CATSPERT: variants seen among roughly 807,000 people sequenced by gnomAD.
CATSPERT encodes the protein catsper channel auxiliary subunit tau, also known as cation channel sperm-associated targeting subunit tau.
the CATSPERT span, among the ~76,000 whole-genome samples, chr2:201,571,648 T>G: frequency 6.6e-6 from 1 of 152,182 alleles, no homozygotes; most frequent in Non-Finnish European, 1.5e-5. Context: ...CCTGCTTTCC[T>G]TATTAAGCTA....
the CATSPERT span, among the ~76,000 whole-genome samples, chr2:201,516,538 C>T: frequency 6.6e-6 from 1 of 152,120 alleles, no homozygotes; most frequent in Admixed American, 6.5e-5. Flanking sequence ...AGGCCCCTCC[C>T]TTGACATATG....
the CATSPERT span, among the ~76,000 whole-genome samples, chr2:201,508,288 T>C: frequency 2.0e-5 from 3 of 152,196 alleles, no homozygotes; most frequent in Non-Finnish European, 4.4e-5. Context: ...AAGGCAGGAA[T>C]TTTCTAATTT....
chr2:201,579,853 C>CT, the CATSPERT span, among the ~76,000 whole-genome samples: 11,578 of 134,276 alleles, frequency 0.086, 678 homozygotes, highest in African/African-American at 0.14. Flanking sequence ...CTTTCTTTTT[C>CT]TTTTTTTTTT....
chr2:201,568,736 T>C, the CATSPERT span, among the ~76,000 whole-genome samples: 2 of 152,242 alleles, frequency 1.3e-5, no homozygotes, highest in Admixed American at 1.3e-4. Flanking sequence ...CCATGCAGTA[T>C]TGCTTTCAGT....
the CATSPERT span, among the ~76,000 whole-genome samples, chr2:201,560,558 A>G: frequency 1.3e-5 from 2 of 152,002 alleles, no homozygotes; most frequent in Non-Finnish European, 2.9e-5. Context: ...AAGAAGGTCT[A>G]TTGAAATAAT....
chr2:201,581,473 C>A, the CATSPERT span, among the ~76,000 whole-genome samples: 1 of 45,936 alleles, frequency 2.2e-5, no homozygotes, highest in Non-Finnish European at 4.2e-5. Context: ...CACACACATT[C>A]CGGAATATAT....
chr2:201,540,430 G>A, the CATSPERT span, among the ~76,000 whole-genome samples: 1 of 152,198 alleles, frequency 6.6e-6, no homozygotes, highest in Non-Finnish European at 1.5e-5. Flanking sequence ...CTTGTTAGAG[G>A]CTAATGTAGC....
At chr2:201,510,936 T>C in the CATSPERT span, among the ~76,000 whole-genome samples, 1 of 152,216 alleles carries the variant, frequency 6.6e-6, no homozygotes, top group Non-Finnish European at 1.5e-5. Flanking sequence ...AGATAATGTA[T>C]TGTTATCCAA....
At chr2:201,581,463 C>T in the CATSPERT span, among the ~76,000 whole-genome samples, 1 of 94,720 alleles carries the variant, frequency 1.1e-5, no homozygotes, top group Non-Finnish European at 2.1e-5. Context: ...TATGTATACA[C>T]ACACACATTC....
chr2:201,590,476 T>A, the CATSPERT span, among the ~76,000 whole-genome samples: 1 of 152,020 alleles, frequency 6.6e-6, no homozygotes, highest in East Asian at 1.9e-4. Context: ...AGCAGCATGA[T>A]TTATAGTCCT....
At chr2:201,534,296 C>A in the CATSPERT span, 1 of 678,772 alleles carries the variant, frequency 1.5e-6, no homozygotes, top group Non-Finnish European at 1.8e-6. Context: ...AACTGCCCAA[C>A]AAGCAAGTCA....
the CATSPERT span, among the ~76,000 whole-genome samples, chr2:201,582,813 C>T: frequency 6.6e-6 from 1 of 152,004 alleles, no homozygotes; most frequent in South Asian, 2.1e-4. Context: ...AAAGTCATGC[C>T]TCCCCACTCC....
At chr2:201,494,192 A>G in the CATSPERT span, 1 of 1,534,174 alleles carries the variant, frequency 6.5e-7, no homozygotes, top group Admixed American at 2.0e-5. Flanking sequence ...CTACTTGATG[A>G]TTTATCATGA....
At chr2:201,500,486 C>G in the CATSPERT span, among the ~76,000 whole-genome samples, 53 of 152,040 alleles carry the variant, frequency 3.5e-4, no homozygotes, top group South Asian at 2.1e-3. Context: ...TGCACTCCAG[C>G]CTGAGTGACA....
the CATSPERT span, among the ~76,000 whole-genome samples, chr2:201,541,885 T>C: frequency 6.6e-6 from 1 of 151,964 alleles, no homozygotes; most frequent in South Asian, 2.1e-4. Context: ...CTTGAGCCAC[T>C]GTGCCTGGCC....
chr2:201,505,265 T>C, the CATSPERT span, among the ~76,000 whole-genome samples: 1 of 152,120 alleles, frequency 6.6e-6, no homozygotes, highest in African/African-American at 2.4e-5. Flanking sequence ...GTATTTTTAG[T>C]AGAGGAGGTT....
the CATSPERT span, chr2:201,601,897 T>C: frequency 3.9e-6 from 6 of 1,555,046 alleles, no homozygotes; most frequent in African/African-American, 1.4e-5. Context: ...GAAAATAGAA[T>C]GATATTCAGG....
the CATSPERT span, among the ~76,000 whole-genome samples, chr2:201,542,227 T>C: frequency 6.6e-6 from 1 of 152,176 alleles, no homozygotes; most frequent in Admixed American, 6.5e-5. Context: ...GAACCTGCAA[T>C]GTCTCTGAAT....
At chr2:201,532,033 G>GA in the CATSPERT span, among the ~76,000 whole-genome samples, 37 of 152,336 alleles carry the variant, frequency 2.4e-4, no homozygotes, top group African/African-American at 8.7e-4. Context: ...CAGGAGAGAT[G>GA]AAAGTAGCTT....
Sources: gnomAD v4.1 joint callset for allele counts (sites outside exome capture counted in the v4.1 genomes callset) on GRCh38, gnomAD v4.1.1 for gene constraint, MANE v1.5 for transcripts, NCBI Gene and HGNC (gene_info 2026-07-23, HGNC 2026-07-21) for gene names.